Variants in CFAP61 observed in about 807,000 individuals in gnomAD.
CFAP61 encodes cilia and flagella associated protein 61.
CFAP61 carries 107 observed loss-of-function variants against 135.6 expected under a neutral mutation model. The observed-to-expected ratio is 0.79, with a 90% CI of 0.67 to 0.93. CFAP61 has a LOEUF of 0.93. Among genes scored for constraint, CFAP61 ranks in the 40% least tolerant of loss-of-function variants. The pLI, the probability that CFAP61 is intolerant of heterozygous loss-of-function variation, is 0.00. For missense variants in CFAP61, 1,507 were observed against 1,556.2 expected (o/e 0.97, Z 0.53); for synonymous variants, 575 against 578.5 (o/e 0.99, Z 0.09).
intron 26 of CFAP61, among the ~76,000 whole-genome samples, chr20:20,348,844 C>A (rs2058733801): frequency 1.4e-5 from 2 of 148,026 alleles, no homozygotes; most frequent in Non-Finnish European, 3.0e-5. Flanking sequence ...TGTCTCCAAT[C>A]TGACAAAGGA....
rs548062076 is a variant in CFAP61, at chr20:20,052,843, A to G, written c.-37+252A>G. On this transcript the variant is annotated intron_variant, in intron 1 of 26. Transcript: ENST00000245957. ...CGAGCTGCCGCCCTTTTAGGCTGCA[A>G]TGCCTCGAGCATTGCATTCTAGTAG... 2.1e-5 allele frequency: 20 copies of G among 952,382 alleles called. No individual in the cohort carries two copies. The African/African-American group carries it at 2.3e-4, about 11-fold the overall frequency. The allele number at this position is 952,382 out of a possible 1,614,324, so 59.0% of individuals were successfully genotyped here. A position where few individuals can be genotyped will look rare whatever the true frequency, so the allele number is the denominator to read the frequency against.
At chr20:20,082,651 G>A (rs1439033839) in intron 6 of CFAP61, among the ~76,000 whole-genome samples, 5 of 152,196 alleles carry the variant, frequency 3.3e-5, no homozygotes, top group African/African-American at 1.2e-4. Context: ...ACAATGTTGT[G>A]AAATAACTGG....
chr20:20,060,936 G>C (rs1056826780), intron 2 of CFAP61, among the ~76,000 whole-genome samples: 2 of 152,198 alleles, frequency 1.3e-5, no homozygotes, highest in Non-Finnish European at 2.9e-5. Context: ...TAGACACTGA[G>C]TCTTCAGATG....
intron 25 of CFAP61, among the ~76,000 whole-genome samples, chr20:20,335,310 A>C (rs1418251354): frequency 1.3e-5 from 2 of 152,242 alleles, no homozygotes; most frequent in East Asian, 3.8e-4. Flanking sequence ...ATTTTTGTTA[A>C]AAGTAGATGC....
At chr20:20,116,331 C>A (rs573561902) in intron 8 of CFAP61, among the ~76,000 whole-genome samples, 1 of 152,184 alleles carries the variant, frequency 6.6e-6, no homozygotes, top group East Asian at 1.9e-4. Flanking sequence ...GGTTATTAAA[C>A]CCTTGTCAGA....
chr20:20,269,228 T>C (rs1271506196), intron 21 of CFAP61, among the ~76,000 whole-genome samples: 2 of 143,800 alleles, frequency 1.4e-5, no homozygotes, highest in Non-Finnish European at 3.1e-5. Context: ...TATACATATA[T>C]GTATATATAT....
At chr20:20,347,758 C>T (rs923743972) in intron 26 of CFAP61, among the ~76,000 whole-genome samples, 1 of 151,902 alleles carries the variant, frequency 6.6e-6, no homozygotes, top group Non-Finnish European at 1.5e-5. Flanking sequence ...CATGGTGAAA[C>T]CCCTTCTCTA....
intron 8 of CFAP61, among the ~76,000 whole-genome samples, chr20:20,137,397 A>G (rs2051018211): frequency 6.6e-6 from 1 of 152,148 alleles, no homozygotes; most frequent in Admixed American, 6.5e-5. Context: ...AGCCAGGAGT[A>G]GGAAACCTTA....
chr20:20,080,830 C>G (rs13038510), intron 6 of CFAP61, among the ~76,000 whole-genome samples: 5 of 151,706 alleles, frequency 3.3e-5, no homozygotes, highest in African/African-American at 1.2e-4. Flanking sequence ...GGTGAAACCC[C>G]GTCTCTTCTA....
chr20:20,227,469 A>G (rs150670972), intron 17 of CFAP61, among the ~76,000 whole-genome samples: 8 of 152,356 alleles, frequency 5.3e-5, no homozygotes, highest in East Asian at 3.9e-4. Context: ...ACATATCCCA[A>G]TGTTCTTCCA....
chr20:20,085,599 G>A lies in CFAP61; in HGVS notation c.567-5245G>A, dbSNP rs1412373437. ...GTTCATGAGCAGGCCTAGGGCTCTG[G>A]GTCTTTCGGAACCTTTATTCCTGAT... On this transcript the variant is annotated intron_variant, in intron 6 of 26. Coordinates refer to ENST00000245957, the MANE Select transcript of CFAP61 (RefSeq NM_015585.4). 8 of 1,074,730 alleles carry A rather than the reference G, an allele frequency of 7.4e-6. No homozygotes were observed. In the East Asian group the frequency reaches 3.4e-4, roughly 46 times the overall value. 66.6% of individuals were successfully genotyped at this position (1,074,730 alleles called of 1,614,324 possible).
At chr20:20,284,959 T>G (rs1238753687) in intron 22 of CFAP61, among the ~76,000 whole-genome samples, 1 of 152,216 alleles carries the variant, frequency 6.6e-6, no homozygotes, top group African/African-American at 2.4e-5. Context: ...CTTCAGAGCA[T>G]TTATTGTATT....
chr20:20,067,358 G>A (rs6132268), intron 2 of CFAP61, among the ~76,000 whole-genome samples: 9,664 of 152,122 alleles, frequency 0.064, 361 homozygotes, highest in East Asian at 0.12. Context: ...TGAGGTGGGT[G>A]GATCACGAGG....
At chr20:20,317,627 TG>T (rs1411470804) in intron 25 of CFAP61, among the ~76,000 whole-genome samples, 10 of 152,170 alleles carry the variant, frequency 6.6e-5, no homozygotes, top group African/African-American at 2.4e-4. Flanking sequence ...CCCCTGCAGC[TG>T]CTAATAGGTG....
At chr20:20,201,991 G>C (rs1187137182) in intron 17 of CFAP61, among the ~76,000 whole-genome samples, 1 of 149,636 alleles carries the variant, frequency 6.7e-6, no homozygotes, top group Non-Finnish European at 1.5e-5. Flanking sequence ...ACCCTACTGT[G>C]AGAATTTTCA....
intron 15 of CFAP61, among the ~76,000 whole-genome samples, chr20:20,195,804 G>T (rs1012161603): frequency 6.6e-6 from 1 of 152,166 alleles, no homozygotes; most frequent in African/African-American, 2.4e-5. Flanking sequence ...ATGGGGCCAG[G>T]CATGGTGGCT....
In CFAP61 at chr20:20,164,205, T is replaced by C. The variant is rs1239660280; in HGVS notation, c.1182T>C (p.Cys394=). Residue 394 remains cysteine (C), a synonymous_variant, in exon 11 of 27, where the codon TGT becomes TGC. Transcript: ENST00000245957. ...CTGCTTTTTGTATTCAGCTGTTTTGTATTGATGAGAAATATGAAGCAAGGC... is the reference window on the plus strand; with the variant it reads ...CTGCTTTTTGTATTCAGCTGTTTTGCATTGATGAGAAATATGAAGCAAGGC... ...ASAAFCIQLF[C]IDEKYEARSL... 1.2e-6 allele frequency: 2 copies of C among 1,613,848 alleles called. No homozygotes were observed. The highest frequency in any genetic ancestry group is 1.1e-5 in the South Asian group (1 of 91,026).
At chr20:20,114,968 CTG>C (rs970895386) in intron 8 of CFAP61, among the ~76,000 whole-genome samples, 13 of 152,066 alleles carry the variant, frequency 8.5e-5, no homozygotes, top group African/African-American at 2.9e-4. Flanking sequence ...ATGTTTTTTT[CTG>C]TGTTTCCTGA....
chr20:20,356,115 C>G (rs1602175085), intron 26 of CFAP61, among the ~76,000 whole-genome samples: 8 of 77,618 alleles, frequency 1.0e-4, no homozygotes, highest in Admixed American at 2.6e-4. Flanking sequence ...GGTGGTCACA[C>G]TGAGGGGAGG....
Sources: gnomAD v4.1 joint callset for allele counts (sites outside exome capture counted in the v4.1 genomes callset) on GRCh38, gnomAD v4.1.1 for gene constraint, MANE v1.5 for transcripts, NCBI Gene and HGNC (gene_info 2026-07-23, HGNC 2026-07-21) for gene names.